The following FAM135B variants were observed in gnomAD, a reference collection of about 807,000 sequenced individuals.
The protein encoded by FAM135B is protein FAM135B.
In FAM135B, 43 loss-of-function variants were observed where a neutral mutation model predicts 127.7. The ratio of observed to expected loss-of-function variants is 0.34; its 90% CI spans 0.26 to 0.43. FAM135B has a LOEUF of 0.43. Among genes scored for constraint, FAM135B ranks in the 20% least tolerant of loss-of-function variants. The pLI is 1.00. For synonymous variants in FAM135B, 670 were observed against 665.1 expected, an observed-to-expected ratio of 1.01 and a Z score of -0.11; for missense variants, 1,558 against 1,725.6, an observed-to-expected ratio of 0.90 and a Z score of 1.72.
chr8:138,335,370 A>G (rs1237851877), intron 2 of FAM135B, among the ~76,000 whole-genome samples: 1 of 152,198 alleles, frequency 6.6e-6, no homozygotes, highest in Non-Finnish European at 1.5e-5. Flanking sequence ...GTTGTGCAAT[A>G]TGGCATACGT....
intron 1 of FAM135B, among the ~76,000 whole-genome samples, chr8:138,445,410 T>C (rs571273628): frequency 4.6e-5 from 7 of 152,260 alleles, no homozygotes; most frequent in Admixed American, 1.3e-4. Flanking sequence ...CTCAATAAAA[T>C]ACTGGCAAAC....
At chr8:138,181,474 T>C (rs1013682164) in intron 9 of FAM135B, among the ~76,000 whole-genome samples, 1 of 152,114 alleles carries the variant, frequency 6.6e-6, no homozygotes, top group Admixed American at 6.6e-5. Flanking sequence ...CTTCCCATCC[T>C]GGCCCAGTGC....
chr8:138,315,476 C>T lies in FAM135B; in HGVS notation c.78-4556G>A, dbSNP rs78297118. On this transcript the variant is annotated intron_variant, in intron 2 of 19. Transcript: ENST00000395297. ...CAGAAACCCCCTCTGCTCATGTATA[C>T]CAACAGGACGTCAAAGTCAGCACCT... Among the ~76,000 whole-genome samples, 1,225 of 152,182 alleles carry T rather than the reference C, an allele frequency of 8.0e-3. 15 individuals carry two copies. The highest frequency in any genetic ancestry group is 0.028 in the African/African-American group (1,153 of 41,520).
At chr8:138,318,347 A>T (rs1261516009) in intron 2 of FAM135B, among the ~76,000 whole-genome samples, 2 of 152,258 alleles carry the variant, frequency 1.3e-5, no homozygotes, top group Non-Finnish European at 2.9e-5. Context: ...GAACATATTA[A>T]TACAATGAGT....
At chr8:138,309,727 C>T (rs2130886400) in intron 3 of FAM135B, among the ~76,000 whole-genome samples, 1 of 152,310 alleles carries the variant, frequency 6.6e-6, no homozygotes, top group Middle Eastern at 3.4e-3. Flanking sequence ...GACCAGTACT[C>T]TTAGCTCTAC....
chr8:138,365,872 A>G (rs780531556), intron 2 of FAM135B, among the ~76,000 whole-genome samples: 1 of 152,196 alleles, frequency 6.6e-6, no homozygotes, highest in Non-Finnish European at 1.5e-5. Flanking sequence ...GACCTAAGTT[A>G]CTGAACGGGA....
At chr8:138,348,519 A>G (rs567257481) in intron 2 of FAM135B, among the ~76,000 whole-genome samples, 1 of 152,316 alleles carries the variant, frequency 6.6e-6, no homozygotes, top group Admixed American at 6.5e-5. Flanking sequence ...ACAATGCTTT[A>G]AGACCTGTGA....
At chr8:138,316,600 T>C (rs1386348073) in intron 2 of FAM135B, among the ~76,000 whole-genome samples, 1 of 152,216 alleles carries the variant, frequency 6.6e-6, no homozygotes, top group Non-Finnish European at 1.5e-5. Flanking sequence ...CTGGCAATTA[T>C]GCAGGCAAAG....
chr8:138,434,146 C>G (rs997830721), intron 1 of FAM135B, among the ~76,000 whole-genome samples: 8 of 152,174 alleles, frequency 5.3e-5, no homozygotes, highest in African/African-American at 1.9e-4. Context: ...TTAGCTCCAG[C>G]TTTCTCTATG....
intron 1 of FAM135B, among the ~76,000 whole-genome samples, chr8:138,399,663 A>T (rs1833040949): frequency 6.6e-6 from 1 of 152,184 alleles, no homozygotes; most frequent in Non-Finnish European, 1.5e-5. Flanking sequence ...TTTCTATATC[A>T]CCACTTCCTA....
chr8:138,250,833 C>A lies in FAM135B; in HGVS notation c.542+8G>T, dbSNP rs756657868. 3 of 1,613,420 alleles carry A rather than the reference C, an allele frequency of 1.9e-6. No homozygotes were observed. Among genetic ancestry groups the A allele is most frequent in the Non-Finnish European group, 2.5e-6 (3 of 1,179,898 alleles). On this transcript the variant is annotated splice_region_variant and intron_variant, in intron 6 of 19. Coordinates refer to ENST00000395297, the MANE Select transcript of FAM135B (RefSeq NM_015912.4). ...CCCACATATCAGGGCTGCCTCTGAACTTCATACCTGATCAATGGCTGCTGC... is the reference window on the plus strand; with the variant it reads ...CCCACATATCAGGGCTGCCTCTGAAATTCATACCTGATCAATGGCTGCTGC...
intron 1 of FAM135B, among the ~76,000 whole-genome samples, chr8:138,391,310 G>C (rs1832559398): frequency 6.6e-6 from 1 of 151,978 alleles, no homozygotes; most frequent in Admixed American, 6.6e-5. Flanking sequence ...AGGATCCAGG[G>C]CTACAGAGCC....
chr8:138,379,565 T>C (rs1233321717), intron 1 of FAM135B, among the ~76,000 whole-genome samples: 2 of 152,100 alleles, frequency 1.3e-5, no homozygotes, highest in Non-Finnish European at 2.9e-5. Flanking sequence ...GAAGCTGAGT[T>C]GCTAGGGAAA....
intron 7 of FAM135B, among the ~76,000 whole-genome samples, chr8:138,202,069 G>A (rs1817171379): frequency 7.6e-6 from 1 of 131,698 alleles, no homozygotes; most frequent in Non-Finnish European, 1.5e-5. Flanking sequence ...AGGTTGCGGT[G>A]AGCAAAGATC....
chr8:138,226,378 A>G (rs1819453594), intron 7 of FAM135B, among the ~76,000 whole-genome samples: 1 of 152,080 alleles, frequency 6.6e-6, no homozygotes, highest in Non-Finnish European at 1.5e-5. Flanking sequence ...TTCTGTTACA[A>G]TGTATGCTAA....
chr8:138,209,122 T>C (rs1027571902), intron 7 of FAM135B, among the ~76,000 whole-genome samples: 8 of 152,176 alleles, frequency 5.3e-5, no homozygotes, highest in African/African-American at 9.7e-5. Context: ...ATTGCTGGGT[T>C]TTTTTGGTGG....
intron 3 of FAM135B, among the ~76,000 whole-genome samples, chr8:138,267,718 T>A (rs1188031314): frequency 6.6e-6 from 1 of 152,166 alleles, no homozygotes; most frequent in Non-Finnish European, 1.5e-5. Flanking sequence ...AACACCTACC[T>A]TGTAGCTTCT....
chr8:138,184,111 TG>T (rs1241534183), intron 9 of FAM135B, among the ~76,000 whole-genome samples: 1 of 152,166 alleles, frequency 6.6e-6, no homozygotes, highest in Non-Finnish European at 1.5e-5. Flanking sequence ...GCCTTTGGTT[TG>T]GGCTTTGCAG....
chr8:138,383,222 T>C (rs1831972553), intron 1 of FAM135B, among the ~76,000 whole-genome samples: 1 of 152,212 alleles, frequency 6.6e-6, no homozygotes, highest in Non-Finnish European at 1.5e-5. Context: ...CCCAGTGTCC[T>C]CACTTTTTCT....
Sources: allele counts gnomAD v4.1 joint callset (sites outside exome capture counted in the v4.1 genomes callset), GRCh38; gene constraint gnomAD v4.1.1; transcripts MANE v1.5; gene names NCBI Gene and HGNC (gene_info 2026-07-23, HGNC 2026-07-21).